PTPRM: variants seen among roughly 807,000 people sequenced by gnomAD.
PTPRM encodes the protein protein tyrosine phosphatase receptor type M, also known as receptor-type tyrosine-protein phosphatase mu.
PTPRM carries 47 observed loss-of-function variants against 186.7 expected under a neutral mutation model. The ratio of observed to expected loss-of-function variants is 0.25; its 90% CI spans 0.20 to 0.32. The LOEUF (loss-of-function observed/expected upper bound fraction) is 0.32, where lower values mean the gene tolerates loss of function less well. Ranked by LOEUF, PTPRM falls within the 10% of genes least tolerant of loss-of-function variation. PTPRM has a pLI of 1.00. For synonymous variants in PTPRM, 668 were observed against 674.9 expected (o/e 0.99, Z 0.16); for missense variants, 1,494 against 1,865.0 (o/e 0.80, Z 3.66).
At chr18:8,181,861 A>G (rs1333640215) in intron 14 of PTPRM, among the ~76,000 whole-genome samples, 1 of 81,438 alleles carries the variant, frequency 1.2e-5, no homozygotes, top group Admixed American at 9.8e-5. Context: ...TTAATACGTG[A>G]AAAAAAAAAA....
At position 7,782,323 on chromosome 18, in the gene PTPRM, G is replaced by T. The variant is rs139138874; in HGVS notation, c.196+8052G>T. Among the ~76,000 whole-genome samples the T allele has an allele frequency of 5.2e-3, 793 of 152,048 alleles. 11 individuals carry two copies. The highest frequency in any genetic ancestry group is 0.018 in the African/African-American group (737 of 41,448). Reference sequence around the variant, plus strand: ...TGATGGAGCCAAAGGCTGGGATTACGTTTCATGTTAATTAGGAAGGAAGGA... The same window carrying T: ...TGATGGAGCCAAAGGCTGGGATTACTTTTCATGTTAATTAGGAAGGAAGGA... On this transcript the variant is annotated intron_variant, in intron 2 of 32. Transcript: ENST00000580170.
chr18:8,232,136 T>C (rs1346668068), intron 14 of PTPRM, among the ~76,000 whole-genome samples: 1 of 152,240 alleles, frequency 6.6e-6, no homozygotes, highest in Non-Finnish European at 1.5e-5. Context: ...TAGTCTTGCC[T>C]CTTCCAGAGT....
intron 24 of PTPRM, among the ~76,000 whole-genome samples, chr18:8,371,240 T>C (rs1395933492): frequency 6.6e-6 from 1 of 152,210 alleles, no homozygotes; most frequent in Non-Finnish European, 1.5e-5. Context: ...AAACCAAAAG[T>C]TAATGTCTAT....
intron 14 of PTPRM, among the ~76,000 whole-genome samples, chr18:8,170,642 G>A (rs2093386444): frequency 2.0e-5 from 3 of 152,094 alleles, no homozygotes; most frequent in African/African-American, 7.2e-5. Flanking sequence ...TCATGGCCTG[G>A]GGAAGGAGGA....
intron 2 of PTPRM, among the ~76,000 whole-genome samples, chr18:7,812,770 C>G (rs946401857): frequency 6.6e-6 from 1 of 150,612 alleles, no homozygotes; most frequent in African/African-American, 2.4e-5. Flanking sequence ...AGTGCACTGG[C>G]TTATGATGGA....
At chr18:8,283,928 T>C (rs2147769220) in intron 19 of PTPRM, among the ~76,000 whole-genome samples, 1 of 152,298 alleles carries the variant, frequency 6.6e-6, no homozygotes, top group East Asian at 1.9e-4. Context: ...GCCACCATTG[T>C]TCTTATTAAT....
At chr18:8,032,463 C>G (rs2086043450) in intron 7 of PTPRM, among the ~76,000 whole-genome samples, 1 of 151,884 alleles carries the variant, frequency 6.6e-6, no homozygotes, top group South Asian at 2.1e-4. Flanking sequence ...GTATACAATA[C>G]CTAGGATAAA....
At chr18:7,585,603 C>T (rs185878358) in intron 1 of PTPRM, among the ~76,000 whole-genome samples, 12 of 152,250 alleles carry the variant, frequency 7.9e-5, no homozygotes, top group Admixed American at 1.3e-4. Flanking sequence ...TATCAAGGTC[C>T]AAGGCTTTCT....
chr18:7,978,963 G>C lies in PTPRM; in HGVS notation c.1132+23549G>C, dbSNP rs560916016. ...TGGAGCTGACAGAACTTAGCTCTGG[G>C]CTCCCCACCTGTATTTTCACTGAGC... is the stretch of plus-strand genomic sequence containing the variant. On this transcript the variant is annotated intron_variant, in intron 7 of 32. Transcript: ENST00000580170. Among the ~76,000 whole-genome samples, 9 of 152,192 alleles carry C rather than the reference G, an allele frequency of 5.9e-5. No individual in the cohort carries two copies. The South Asian group carries it at 1.9e-3, about 32-fold the overall frequency.
At chr18:8,140,391 T>G (rs1016986907) in intron 13 of PTPRM, among the ~76,000 whole-genome samples, 1 of 151,898 alleles carries the variant, frequency 6.6e-6, no homozygotes, top group East Asian at 1.9e-4. Flanking sequence ...TCTGCCAAGT[T>G]GAAAACCAGC....
At chr18:8,144,768 G>C (rs969588952) in intron 14 of PTPRM, among the ~76,000 whole-genome samples, 4 of 152,096 alleles carry the variant, frequency 2.6e-5, no homozygotes, top group Non-Finnish European at 5.9e-5. Flanking sequence ...TAAAATCTTC[G>C]ATTTATGTAA....
At chr18:8,268,352 G>A (rs2094727733) in intron 19 of PTPRM, among the ~76,000 whole-genome samples, 1 of 152,056 alleles carries the variant, frequency 6.6e-6, no homozygotes, top group Admixed American at 6.6e-5. Flanking sequence ...GAAGAACTGG[G>A]TAAATTCCTA....
At chr18:8,099,083 T>A (rs1423026299) in intron 11 of PTPRM, among the ~76,000 whole-genome samples, 1 of 152,138 alleles carries the variant, frequency 6.6e-6, no homozygotes, top group Non-Finnish European at 1.5e-5. Flanking sequence ...ATCTTCTCTC[T>A]TTTATCTTCC....
At chr18:8,141,480 A>C (rs753225824) in intron 13 of PTPRM, among the ~76,000 whole-genome samples, 2 of 152,180 alleles carry the variant, frequency 1.3e-5, no homozygotes, top group Non-Finnish European at 2.9e-5. Flanking sequence ...GCTGCTTCCT[A>C]AAGGGGATGA....
intron 1 of PTPRM, among the ~76,000 whole-genome samples, chr18:7,588,738 T>C (rs922272904): frequency 2.0e-5 from 3 of 152,250 alleles, no homozygotes; most frequent in African/African-American, 7.2e-5. Context: ...TTTGCCTTAA[T>C]GTCACCAGTT....
At chr18:8,192,889 C>G (rs965268265) in intron 14 of PTPRM, among the ~76,000 whole-genome samples, 9 of 152,028 alleles carry the variant, frequency 5.9e-5, no homozygotes, top group Non-Finnish European at 1.3e-4. Flanking sequence ...ATAGAAGAAT[C>G]TAGTAGTCAA....
At chr18:8,187,531 T>G (rs1244242245) in intron 14 of PTPRM, among the ~76,000 whole-genome samples, 1 of 152,168 alleles carries the variant, frequency 6.6e-6, no homozygotes, top group African/African-American at 2.4e-5. Flanking sequence ...TATTGTGTTT[T>G]AAGTAAGGGC....
chr18:8,359,740 G>C (rs2095585245), intron 23 of PTPRM, among the ~76,000 whole-genome samples: 2 of 152,246 alleles, frequency 1.3e-5, no homozygotes. Flanking sequence ...ATTCCTACCT[G>C]CTCGGGTGTG....
At chr18:8,201,187 G>A (rs1242004919) in intron 14 of PTPRM, among the ~76,000 whole-genome samples, 10 of 152,054 alleles carry the variant, frequency 6.6e-5, no homozygotes, top group East Asian at 5.8e-4. Context: ...ATGGTGGTGC[G>A]CACCTGTAGC....
Sources: gnomAD v4.1 joint callset for allele counts (sites outside exome capture counted in the v4.1 genomes callset) on GRCh38, gnomAD v4.1.1 for gene constraint, MANE v1.5 for transcripts, NCBI Gene and HGNC (gene_info 2026-07-23, HGNC 2026-07-21) for gene names.